The following HMGN4 variants were observed in gnomAD, a reference collection of about 807,000 sequenced individuals.
HMGN4 encodes the protein high mobility group nucleosomal binding domain 4.
For synonymous variants in HMGN4, 39 were observed against 39.1 expected (o/e 1.00, Z 0.01); for missense variants, 69 against 104.9 (o/e 0.66, Z 1.49).
At chr6:26,544,549 C>G (rs1182346118) in intron 1 of HMGN4, among the ~76,000 whole-genome samples, 1 of 152,174 alleles carries the variant, frequency 6.6e-6, no homozygotes, top group Non-Finnish European at 1.5e-5. Context: ...TTGTGGAGAT[C>G]TCCTGTCCAC....
intron 1 of HMGN4, 22 bp from the exon 2 acceptor site, chr6:26,545,105 C>A: frequency 9.9e-7 from 1 of 1,007,652 alleles, no homozygotes; most frequent in South Asian, 2.4e-5. Flanking sequence ...TTATGGTTTA[C>A]GCTTTTTGTG....
chr6:26,539,491 A>C lies in HMGN4; in HGVS notation c.-81+990A>C, dbSNP rs374054679. On this transcript the variant is annotated intron_variant, in intron 1 of 1. Transcript: ENST00000377575. ...TCACCATATTGGCCAGGCTGGTCTC[A>C]AACTCCTGACCTCAAGTGATCCGCC... Among the ~76,000 whole-genome samples the C allele has an allele frequency of 1.8e-3, 268 of 152,010 alleles. 3 individuals carry two copies. The South Asian group carries it at 0.022, about 13-fold the overall frequency.
rs1290107482 is a variant in HMGN4 at position 26,542,542 on chromosome 6, T to C, written c.-80-2585T>C. Among the ~76,000 whole-genome samples, 1 of 152,224 alleles carries C rather than the reference T, an allele frequency of 6.6e-6. No homozygotes were observed. Among genetic ancestry groups the C allele is most frequent in the Non-Finnish European group, 1.5e-5 (1 of 68,046 alleles). On this transcript the variant is annotated intron_variant, in intron 1 of 1. Transcript: ENST00000377575. The surrounding 1 kb of genome is among the most constrained non-coding windows in gnomAD (Gnocchi z 4.6). ...TTCTGCGCCACCTCAAATAATTTCT[T>C]CTGAGTTAAAACCACTGTGTGGTGA... is the stretch of plus-strand genomic sequence containing the variant.
intron 1 of HMGN4, among the ~76,000 whole-genome samples, chr6:26,544,252 C>CT (rs199882773): frequency 0.012 from 1,756 of 151,390 alleles, 31 homozygotes; most frequent in African/African-American, 0.031. Flanking sequence ...TTATTTATCC[C>CT]TTTTTTTTTA....
chr6:26,539,912 AG>A (rs1432268193), intron 1 of HMGN4: 1 of 152,216 alleles, frequency 6.6e-6, no homozygotes, highest in Non-Finnish European at 1.5e-5. Flanking sequence ...AATATAAGCA[AG>A]TTATTATGGT....
Position 26,542,835 on chromosome 6 carries a change from T to G in HMGN4, c.-80-2292T>G, listed in dbSNP as rs376739261. Reference sequence around the variant, plus strand: ...CTGCTGTATTTTGGCCTTTGACATGTGGAGATCATGGCCCCCCTACTTCGG... The same window carrying G: ...CTGCTGTATTTTGGCCTTTGACATGGGGAGATCATGGCCCCCCTACTTCGG... On this transcript the variant is annotated intron_variant, in intron 1 of 1. Coordinates refer to ENST00000377575, the MANE Select transcript of HMGN4 (RefSeq NM_006353.3). This position sits in a 1 kb window ranked among gnomAD's most constrained non-coding sequence, Gnocchi z 4.6. Among the ~76,000 whole-genome samples the G allele has an allele frequency of 1.3e-5, 2 of 152,228 alleles. No individual in the cohort carries two copies. The highest frequency in any genetic ancestry group is 2.4e-5 in the African/African-American group (1 of 41,446).
chr6:26,540,328 CTT>C (rs11333869), intron 1 of HMGN4, among the ~76,000 whole-genome samples: 160 of 144,034 alleles, frequency 1.1e-3, no homozygotes, highest in Middle Eastern at 3.6e-3. Flanking sequence ...GCCTGTGAAT[CTT>C]TTTTTTTTTT....
intron 1 of HMGN4, among the ~76,000 whole-genome samples, chr6:26,540,549 G>A (rs1694240247): frequency 6.6e-6 from 1 of 152,104 alleles, no homozygotes; most frequent in Non-Finnish European, 1.5e-5. Context: ...GGCCAGGCTG[G>A]TCTTGAACTC....
chr6:26,539,644 AAAAAAAAAAG>A lies in HMGN4; in HGVS notation c.-81+1148_-81+1157del, dbSNP rs1490833093. Among the ~76,000 whole-genome samples, 9 of 133,330 alleles carry A rather than the reference AAAAAAAAAAG, an allele frequency of 6.8e-5. No individual in the cohort carries two copies. The East Asian group carries it at 1.9e-3, about 28-fold the overall frequency. The allele number at this position is 133,330 out of a possible 152,430, so 87.5% of individuals were successfully genotyped here. A position where few individuals can be genotyped will look rare whatever the true frequency, so the allele number is the denominator to read the frequency against. The stretch of plus-strand genomic sequence containing the variant: ...GTGGGTCCGCAAAATTAAAAAAAAA[AAAAAAAAAAG>A]AAAAGAAAAGAAAGAAAAGGACAAT... On this transcript the variant is annotated intron_variant, in intron 1 of 1. Coordinates refer to ENST00000377575, the MANE Select transcript of HMGN4 (RefSeq NM_006353.3).
intron 1 of HMGN4, among the ~76,000 whole-genome samples, chr6:26,543,674 T>C (rs1179358740): frequency 6.9e-6 from 1 of 144,136 alleles, no homozygotes; most frequent in Non-Finnish European, 1.5e-5. Context: ...GGCAGGAGAA[T>C]TGCTTGAACC....
intron 1 of HMGN4, among the ~76,000 whole-genome samples, chr6:26,538,867 TTG>T (rs997653296): frequency 7.2e-5 from 11 of 152,260 alleles, no homozygotes; most frequent in Admixed American, 7.2e-4. Flanking sequence ...GACTGGCAGG[TTG>T]GACTGACCTG....
intron 1 of HMGN4, among the ~76,000 whole-genome samples, chr6:26,540,149 C>T (rs1933870257): frequency 6.6e-6 from 1 of 152,114 alleles, no homozygotes; most frequent in Non-Finnish European, 1.5e-5. Context: ...CTTTTAGACA[C>T]CCTGCGTTTT....
intron 1 of HMGN4, among the ~76,000 whole-genome samples, chr6:26,544,126 G>T (rs750842200): frequency 6.6e-6 from 1 of 152,114 alleles, no homozygotes; most frequent in Non-Finnish European, 1.5e-5. Flanking sequence ...CCAGCCATGT[G>T]CTTCCCCTAC....
chr6:26,543,040 C>T (rs1408733573), intron 1 of HMGN4, among the ~76,000 whole-genome samples: 1 of 152,182 alleles, frequency 6.6e-6, no homozygotes, highest in Non-Finnish European at 1.5e-5. Flanking sequence ...TTTGGTTAAA[C>T]ACTCTCATTC....
chr6:26,546,304 G>A lies in HMGN4; in HGVS notation c.*825G>A, dbSNP rs1369164487. 2 of 167,006 alleles carry A rather than the reference G, an allele frequency of 1.2e-5. No individual in the cohort carries two copies. Among genetic ancestry groups the A allele is most frequent in the African/African-American group, 4.8e-5 (2 of 41,430 alleles). 10.3% of individuals were successfully genotyped at this position (167,006 alleles called of 1,614,324 possible). A position where few individuals can be genotyped will look rare whatever the true frequency, so the allele number is the denominator to read the frequency against. The stretch of plus-strand genomic sequence containing the variant: ...TAAATATATTCTTTACTGCCTTGTG[G>A]AAATTTTATAGTTTTGCCTTTCACA... On this transcript the variant is annotated 3_prime_UTR_variant, in exon 2 of 2. Coordinates refer to ENST00000377575, the MANE Select transcript of HMGN4 (RefSeq NM_006353.3).
At chr6:26,541,494 A>C (rs1467941530) in intron 1 of HMGN4, among the ~76,000 whole-genome samples, 1 of 152,182 alleles carries the variant, frequency 6.6e-6, no homozygotes, top group Non-Finnish European at 1.5e-5. Context: ...GTTTCTTCTG[A>C]GGCCTCTCCT....
chr6:26,539,634 T>A (rs55687205), intron 1 of HMGN4, among the ~76,000 whole-genome samples: 2 of 125,194 alleles, frequency 1.6e-5, no homozygotes, highest in Non-Finnish European at 1.6e-5. Flanking sequence ...TCCGCAAAAT[T>A]AAAAAAAAAA....
chr6:26,538,554 G>A (rs1764248019), intron 1 of HMGN4, 53 bp downstream of exon 1: 1 of 152,412 alleles, frequency 6.6e-6, no homozygotes, highest in Non-Finnish European at 1.5e-5. Context: ...GGGCGTGGTG[G>A]GGGGGGTCCC....
In HMGN4 at chr6:26,543,458, G is replaced by A. The variant is rs578014225; in HGVS notation, c.-80-1669G>A. Among the ~76,000 whole-genome samples, 237 of 103,578 alleles carry A rather than the reference G, an allele frequency of 2.3e-3. 3 individuals carry two copies. The highest frequency in any genetic ancestry group is 0.01 in the African/African-American group (227 of 22,102). 68.0% of individuals were successfully genotyped at this position (103,578 alleles called of 152,430 possible). On this transcript the variant is annotated intron_variant, in intron 1 of 1. Coordinates refer to ENST00000377575, the MANE Select transcript of HMGN4 (RefSeq NM_006353.3). ...TTTTTTTGAAGCAGAGTCTCACTCT[G>A]TCCCCCAGGCTGGAGTGCAGTGGCA... is the stretch of plus-strand genomic sequence containing the variant.
Sources: allele counts gnomAD v4.1 joint callset (sites outside exome capture counted in the v4.1 genomes callset), GRCh38; gene constraint gnomAD v4.1.1; non-coding constraint Gnocchi (gnomAD v3.1); transcripts MANE v1.5; gene names NCBI Gene and HGNC (gene_info 2026-07-23, HGNC 2026-07-21).